The following KCNU1 variants were observed in gnomAD, a reference collection of about 807,000 sequenced individuals.
KCNU1 encodes the protein potassium channel subfamily U member 1.
A neutral mutation model predicts 126.8 loss-of-function variants in KCNU1; 93 were observed. The ratio of observed to expected loss-of-function variants is 0.73; its 90% CI spans 0.62 to 0.87. The LOEUF (loss-of-function observed/expected upper bound fraction) is 0.87, where lower values mean the gene tolerates loss of function less well. Ranked by LOEUF, KCNU1 falls within the 40% of genes least tolerant of loss-of-function variation. The pLI is 0.00. For synonymous variants in KCNU1, 523 were observed against 494.2 expected (o/e 1.06, Z -0.77); for missense variants, 1,330 against 1,367.1 (o/e 0.97, Z 0.43).
At chr8:36,932,670 C>T (rs1180878236) in intron 25 of KCNU1, among the ~76,000 whole-genome samples, 1 of 152,054 alleles carries the variant, frequency 6.6e-6, no homozygotes, top group Non-Finnish European at 1.5e-5. Context: ...ACAAGCACAA[C>T]AACATGTCAC....
At chr8:36,795,890 C>G (rs957847584) in intron 2 of KCNU1, 3 of 152,256 alleles carry the variant, frequency 2.0e-5, no homozygotes, top group Non-Finnish European at 4.4e-5. Flanking sequence ...CTCAACTTAG[C>G]CCAGAGGCAC....
In KCNU1 at chr8:36,838,785, G is replaced by C. The variant is rs370382939; in HGVS notation, c.1519-1678G>C. Among the ~76,000 whole-genome samples, 19 of 152,208 alleles carry C rather than the reference G, an allele frequency of 1.2e-4. No homozygotes were observed. In the East Asian group the frequency reaches 2.3e-3, roughly 19 times the overall value. On this transcript the variant is annotated intron_variant, in intron 14 of 26. Coordinates refer to ENST00000399881, the MANE Select transcript of KCNU1 (RefSeq NM_001031836.3). ...CACCTGTCATTATTTATACAAGATG[G>C]ATTTTAGCTTACAGGAATTGAGAGA...
chr8:36,810,124 C>T (rs1265232967), intron 7 of KCNU1, among the ~76,000 whole-genome samples: 2 of 151,946 alleles, frequency 1.3e-5, no homozygotes, highest in Admixed American at 6.6e-5. Flanking sequence ...TGGTGGCATG[C>T]GTCTGTAGTT....
In KCNU1 at chr8:36,888,986, C is replaced by T. The variant is rs553479694; in HGVS notation, c.2010-16722C>T. The T allele has an allele frequency of 8.5e-5, 34 of 401,080 alleles. No individual in the cohort carries two copies. In the Middle Eastern group the frequency reaches 1.2e-3, roughly 15 times the overall value. 24.8% of individuals were successfully genotyped at this position (401,080 alleles called of 1,614,324 possible). On this transcript the variant is annotated intron_variant, in intron 19 of 26. Coordinates refer to ENST00000399881, the MANE Select transcript of KCNU1 (RefSeq NM_001031836.3). ...TTCTGCCTCCTTTGTTCAAGTGATTCTCCTGCCTCAGTCTCTTCAGTAGCT... is the reference window on the plus strand; with the variant it reads ...TTCTGCCTCCTTTGTTCAAGTGATTTTCCTGCCTCAGTCTCTTCAGTAGCT...
chr8:36,930,908 T>G, intron 24 of KCNU1, 43 bp from the exon 25 acceptor site: 1 of 1,454,846 alleles, frequency 6.9e-7, no homozygotes, highest in East Asian at 2.3e-5. Flanking sequence ...AGTTCACATA[T>G]TGGCTCTTCT....
At chr8:36,802,808 A>C (rs1323835569) in intron 2 of KCNU1, among the ~76,000 whole-genome samples, 1 of 152,150 alleles carries the variant, frequency 6.6e-6, no homozygotes, top group Non-Finnish European at 1.5e-5. Context: ...TTGCATATTA[A>C]TTATCTTCAT....
At chr8:36,876,246 G>T (rs1806274171) in intron 19 of KCNU1, among the ~76,000 whole-genome samples, 1 of 152,120 alleles carries the variant, frequency 6.6e-6, no homozygotes, top group South Asian at 2.1e-4. Flanking sequence ...CTGGCATAAG[G>T]CTTTGACTTC....
At chr8:36,893,552 T>A (rs1807061964) in intron 19 of KCNU1, among the ~76,000 whole-genome samples, 1 of 152,038 alleles carries the variant, frequency 6.6e-6, no homozygotes, top group Non-Finnish European at 1.5e-5. Context: ...GATCTATTTT[T>A]TCTCTCTGGT....
At chr8:36,814,445 C>A in intron 8 of KCNU1, 68 bp downstream of exon 8, 1 of 1,121,238 alleles carries the variant, frequency 8.9e-7, no homozygotes, top group South Asian at 1.4e-5. Context: ...TAATGGTAAT[C>A]AATGAAACAA....
intron 19 of KCNU1, among the ~76,000 whole-genome samples, chr8:36,870,937 C>T (rs1047449978): frequency 2.6e-5 from 4 of 152,124 alleles, no homozygotes; most frequent in African/African-American, 9.7e-5. Flanking sequence ...GTTTCCCATT[C>T]TATGGTTTTC....
intron 16 of KCNU1, among the ~76,000 whole-genome samples, chr8:36,844,185 C>G (rs1404536910): frequency 6.6e-6 from 1 of 152,042 alleles, no homozygotes; most frequent in African/African-American, 2.4e-5. Context: ...TTGAGATCAG[C>G]CTGTCCAACA....
At chr8:36,919,581 G>A (rs1370409076) in intron 23 of KCNU1, among the ~76,000 whole-genome samples, 1 of 152,122 alleles carries the variant, frequency 6.6e-6, no homozygotes, top group Non-Finnish European at 1.5e-5. Flanking sequence ...CTTTGGTGGG[G>A]TGCATTGCTG....
At chr8:36,833,046 T>C (rs1563283243) in intron 10 of KCNU1, among the ~76,000 whole-genome samples, 1 of 152,150 alleles carries the variant, frequency 6.6e-6, no homozygotes, top group Non-Finnish European at 1.5e-5. Context: ...GTTTTTGTAA[T>C]GTGTTGAGGC....
rs1808748300 is a variant in KCNU1 at position 36,933,001 on chromosome 8, G to T, written c.3013G>T (p.Asp1005Tyr). 1 of 1,565,108 alleles carries T rather than the reference G, an allele frequency of 6.4e-7. No individual in the cohort carries two copies. ...ILCVGLYRII[D>Y]EEELNPENKR... ...GTGTGTTGGCTTATACCGAATAATT[G>T]ATGAAGAGGAGCTCAACCCAGAAAA... The change falls in exon 26 of 27, where the codon GAT becomes TAT. Residue 1005 changes from aspartate (D) to tyrosine (Y), a missense_variant. Coordinates refer to ENST00000399881, the MANE Select transcript of KCNU1 (RefSeq NM_001031836.3).
intron 9 of KCNU1, 123 bp downstream of exon 9, chr8:36,815,810 C>T (rs377578099): frequency 1.5e-5 from 9 of 601,178 alleles, no homozygotes; most frequent in Admixed American, 3.6e-5. Flanking sequence ...AGCAACATCC[C>T]GTATTCACTA....
rs201465659 is a variant in KCNU1, at chr8:36,817,693, G to A, written c.1039G>A (p.Ala347Thr). Reference sequence around the variant, plus strand: ...AAACATCACTGTGGACAGTGTGACCGCTTTCCTGAGGAATTTCCTCCGCGA... The same window carrying A: ...AAACATCACTGTGGACAGTGTGACCACTTTCCTGAGGAATTTCCTCCGCGA... ...CGNITVDSVT[A>T]FLRNFLRDKS... The change falls in exon 10 of 27, where the codon GCT becomes ACT. Residue 347 changes from alanine to threonine, a missense_variant. This residue lies in a region of KCNU1 where 1,054 missense variants were observed against 1,053.9 expected (regional missense o/e 1.00). Coordinates refer to ENST00000399881, the MANE Select transcript of KCNU1 (RefSeq NM_001031836.3). 42 of 1,612,518 alleles carry A rather than the reference G, an allele frequency of 2.6e-5. No homozygotes were observed. The highest frequency in any genetic ancestry group is 1.1e-5 in the South Asian group (1 of 91,054).
In KCNU1 at chr8:36,792,789, C is replaced by T. The variant is rs185022607; in HGVS notation, c.315+5364C>T. Among the ~76,000 whole-genome samples, 193 of 152,004 alleles carry T rather than the reference C, an allele frequency of 1.3e-3. 2 individuals carry two copies. Among genetic ancestry groups the T allele is most frequent in the South Asian group, 8.3e-4 (4 of 4,816 alleles). ...TTATTATAGTGTTGTCATTATTACA[C>T]GAGTTAATAAGTGTAAAATATATAT... is the stretch of plus-strand genomic sequence containing the variant. On this transcript the variant is annotated intron_variant, in intron 2 of 26. Transcript: ENST00000399881.
chr8:36,837,980 C>T (rs1185417614), intron 14 of KCNU1, among the ~76,000 whole-genome samples: 4 of 152,084 alleles, frequency 2.6e-5, no homozygotes, highest in African/African-American at 4.8e-5. Context: ...TGCTATTTAA[C>T]GAAAAGCAAA....
Position 36,905,723 on chromosome 8 carries a change from T to G in KCNU1, c.2025T>G (p.Asp675Glu), listed in dbSNP as rs574976495. The G allele has an allele frequency of 1.9e-5, 31 of 1,595,006 alleles. No individual in the cohort carries two copies. The East Asian group carries it at 6.5e-4, about 33-fold the overall frequency. ...TCCTATTTAGGACTCTTCAACATGA[T>G]GTAGAACAAGATTCTGACCAGCTTG... ...SNFTTRTLQH[D>E]VEQDSDQLDS... Residue 675 changes from aspartate to glutamate, a missense_variant, in exon 20 of 27, where the codon GAT becomes GAG. Coordinates refer to ENST00000399881, the MANE Select transcript of KCNU1 (RefSeq NM_001031836.3).
Sources: gnomAD v4.1 joint callset for allele counts (sites outside exome capture counted in the v4.1 genomes callset) on GRCh38, gnomAD v4.1.1 for gene constraint, gnomAD v4.1.1 regional missense constraint, MANE v1.5 for transcripts, NCBI Gene and HGNC (gene_info 2026-07-23, HGNC 2026-07-21) for gene names.